The following FXYD2 variants were observed in gnomAD, a reference collection of about 807,000 sequenced individuals.
The protein encoded by FXYD2 is FXYD domain containing ion transport regulator 2, also known as sodium/potassium-transporting ATPase subunit gamma.
A neutral mutation model predicts 11.8 loss-of-function variants in FXYD2; 8 were observed. The ratio of observed to expected loss-of-function variants is 0.68; its 90% CI spans 0.40 to 1.22. The LOEUF is 1.22. Among genes scored for constraint, FXYD2 ranks in the 50% most tolerant of loss-of-function variants. The pLI, the probability that FXYD2 is intolerant of heterozygous loss-of-function variation, is 0.01. For synonymous variants in FXYD2, 42 were observed against 33.3 expected (o/e 1.26, Z -0.90); for missense variants, 92 against 91.8 (o/e 1.00, Z -0.01).
At chr11:117,823,408 C>T (rs770425487) in intron 1 of FXYD2, among the ~76,000 whole-genome samples, 2 of 152,238 alleles carry the variant, frequency 1.3e-5, no homozygotes, top group Non-Finnish European at 2.9e-5. Flanking sequence ...AATTCCCCCA[C>T]AGTTATACAG....
rs1450120303 is a variant in FXYD2, at chr11:117,822,851, G to C, written c.26-134C>G. 15 of 1,246,286 alleles carry C rather than the reference G, an allele frequency of 1.2e-5. No individual in the cohort carries two copies. Among genetic ancestry groups the C allele is most frequent in the Middle Eastern group, 2.5e-4 (1 of 3,966 alleles). The allele number at this position is 1,246,286 out of a possible 1,614,324, so 77.2% of individuals were successfully genotyped here. A position where few individuals can be genotyped will look rare whatever the true frequency, so the allele number is the denominator to read the frequency against. ...AGCAGGCGAGGGGAGGCTGGGAGCA[G>C]GGGTGTTGCTAAAACCATTGCCAGC... On this transcript the variant is annotated intron_variant, in intron 1 of 5. Transcript: ENST00000292079. This position sits in a 1 kb window ranked among gnomAD's most constrained non-coding sequence, Gnocchi z 4.7.
At chr11:117,826,754 A>ATCGG (rs2056041964), upstream of FXYD2, among the ~76,000 whole-genome samples, 1 of 143,594 alleles carries the variant, frequency 7.0e-6, no homozygotes. Flanking sequence ...AAATAAATTC[A>ATCGG]TCTGTCTGTC....
At chr11:117,827,758 T>G (rs777031379), upstream of FXYD2, among the ~76,000 whole-genome samples, 7 of 152,152 alleles carry the variant, frequency 4.6e-5, no homozygotes, top group Non-Finnish European at 8.8e-5. Flanking sequence ...GACAGACAAG[T>G]AAATGAGGCA....
chr11:117,820,551 A>C (rs1437926822), intron 5 of FXYD2, 115 bp downstream of exon 5: 1 of 1,317,418 alleles, frequency 7.6e-7, no homozygotes, highest in Non-Finnish European at 1.1e-6. Context: ...CACCTGGCTG[A>C]TGTGTGGACG....
At position 117,824,623 on chromosome 11, in the gene FXYD2, C is replaced by A; in HGVS notation, c.25+31G>T. 1.9e-6 allele frequency: 3 copies of A among 1,591,424 alleles called. No homozygotes were observed. The highest frequency in any genetic ancestry group is 2.6e-6 in the Non-Finnish European group (3 of 1,159,468). On this transcript the variant is annotated intron_variant, in intron 1 of 5. Coordinates refer to ENST00000292079, the MANE Select transcript of FXYD2 (RefSeq NM_001680.5). This position sits in a 1 kb window ranked among gnomAD's most constrained non-coding sequence, Gnocchi z 4.0. ...CCAATCAGAGCCACCCAGCATTGCA[C>A]ACGCCCGGGCACGCACACCAGCACA... is the stretch of plus-strand genomic sequence containing the variant.
chr11:117,825,073 GCAGTGGCCCA>G (rs2056005049), upstream of FXYD2, among the ~76,000 whole-genome samples: 2 of 152,200 alleles, frequency 1.3e-5, no homozygotes, highest in Non-Finnish European at 2.9e-5. Flanking sequence ...GTTTCTGGGG[GCAGTGGCCCA>G]CAGTGGCCCC....
At chr11:117,821,495 C>T (rs993161416) in intron 3 of FXYD2, 30 of 986,086 alleles carry the variant, frequency 3.0e-5, no homozygotes, top group Non-Finnish European at 3.0e-5. Flanking sequence ...ACTGGGCCAT[C>T]ATGGTGCCCC....
chr11:117,826,011 C>T (rs1388863127), upstream of FXYD2, among the ~76,000 whole-genome samples: 1 of 152,182 alleles, frequency 6.6e-6, no homozygotes, highest in African/African-American at 2.4e-5. Context: ...CCTCAGTCTC[C>T]TCATCTGTAA....
intron 1 of FXYD2, among the ~76,000 whole-genome samples, chr11:117,823,622 A>T (rs1020244211): frequency 3.3e-5 from 5 of 152,214 alleles, no homozygotes; most frequent in African/African-American, 1.2e-4. Context: ...GCAACTGAGT[A>T]CACTTGCCCC....
chr11:117,820,268 G>A lies in FXYD2; in HGVS notation c.*111C>T, dbSNP rs911084647. 1.3e-5 allele frequency: 3 copies of A among 222,788 alleles called. No individual in the cohort carries two copies. The highest frequency in any genetic ancestry group is 2.6e-5 in the Non-Finnish European group (3 of 113,692). The allele number at this position is 222,788 out of a possible 1,614,324, so 13.8% of individuals were successfully genotyped here. A position where few individuals can be genotyped will look rare whatever the true frequency, so the allele number is the denominator to read the frequency against. ...TTCCTTCAGCCCAAGCGCTGGCAGT[G>A]ACGGGGACAAAGGTCTAAAGCCCAG... On this transcript the variant is annotated 3_prime_UTR_variant, in exon 6 of 6. Transcript: ENST00000292079.
rs771512838 is a variant in FXYD2, at chr11:117,822,585, G to A, written c.64+94C>T. 100 of 1,570,070 alleles carry A rather than the reference G, an allele frequency of 6.4e-5. No individual in the cohort carries two copies. The highest frequency in any genetic ancestry group is 2.0e-4 in the South Asian group (17 of 85,540). On this transcript the variant is annotated intron_variant, in intron 2 of 5. Transcript: ENST00000292079. This position sits in a 1 kb window ranked among gnomAD's most constrained non-coding sequence, Gnocchi z 4.7. ...GCCCGTGGTAACCAGGGGAGATAAG[G>A]GGCACAGAGCATGGACCTGGGGCTG...
chr11:117,823,687 A>G (rs915218354), intron 1 of FXYD2, among the ~76,000 whole-genome samples: 1 of 152,026 alleles, frequency 6.6e-6, no homozygotes. Context: ...AAGGGCCGCT[A>G]CTCTTTCCTG....
At chr11:117,821,547 A>T (rs1469653845) in intron 3 of FXYD2, 3 of 985,826 alleles carry the variant, frequency 3.0e-6, no homozygotes, top group Non-Finnish European at 3.6e-6. Flanking sequence ...GGATGGCAGC[A>T]ACTCCAAAGT....
In FXYD2 at chr11:117,822,126, G is replaced by C. The variant is rs1351469164; in HGVS notation, c.139+280C>G. 4 of 1,376,316 alleles carry C rather than the reference G, an allele frequency of 2.9e-6. No individual in the cohort carries two copies. The highest frequency in any genetic ancestry group is 2.8e-4 in the Middle Eastern group (1 of 3,622). The allele number at this position is 1,376,316 out of a possible 1,614,324, so 85.3% of individuals were successfully genotyped here. On this transcript the variant is annotated intron_variant, in intron 3 of 5. Transcript: ENST00000292079. The surrounding 1 kb of genome is among the most constrained non-coding windows in gnomAD (Gnocchi z 4.7). ...TAGCAGCGGGGGGCCTAGTCCCCCTGTCTGGCCCTCCGGTTACCCAGTTAC... is the reference window on the plus strand; with the variant it reads ...TAGCAGCGGGGGGCCTAGTCCCCCTCTCTGGCCCTCCGGTTACCCAGTTAC...
intron 3 of FXYD2, chr11:117,821,713 G>C: frequency 1.0e-6 from 1 of 960,204 alleles, no homozygotes; most frequent in South Asian, 4.8e-5. Flanking sequence ...GGCACACGTA[G>C]AGAGAGCTGC....
At chr11:117,821,796 C>T (rs546581037) in intron 3 of FXYD2, 3 of 989,686 alleles carry the variant, frequency 3.0e-6, no homozygotes, top group Admixed American at 5.9e-5. Flanking sequence ...GGCAGTGGCA[C>T]ACGTGCATTA....
At chr11:117,826,483 G>A (rs1246944461), upstream of FXYD2, among the ~76,000 whole-genome samples, 1 of 152,130 alleles carries the variant, frequency 6.6e-6, no homozygotes, top group East Asian at 1.9e-4. Context: ...CCTGGACGTG[G>A]CCAGGGCACT....
rs774518680 is a variant in FXYD2, at chr11:117,820,929, A to T, written c.140-34T>A. The T allele has an allele frequency of 8.7e-6, 14 of 1,613,802 alleles. No individual in the cohort carries two copies. The South Asian group carries it at 9.9e-5, about 11-fold the overall frequency. On this transcript the variant is annotated intron_variant, in intron 3 of 5. Coordinates refer to ENST00000292079, the MANE Select transcript of FXYD2 (RefSeq NM_001680.5). ...GAGAAAAGGAGATTTGTTTCCATGGACTAATTTTCCAAGGAGACCCTGGAA... is the reference window on the plus strand; with the variant it reads ...GAGAAAAGGAGATTTGTTTCCATGGTCTAATTTTCCAAGGAGACCCTGGAA...
At chr11:117,821,709 C>T (rs545940528) in intron 3 of FXYD2, 169 of 961,186 alleles carry the variant, frequency 1.8e-4, no homozygotes, top group Non-Finnish European at 2.0e-4. Context: ...CAGTGGCACA[C>T]GTAGAGAGAG....
Sources: gnomAD v4.1 joint callset for allele counts (sites outside exome capture counted in the v4.1 genomes callset) on GRCh38, gnomAD v4.1.1 for gene constraint, Gnocchi (gnomAD v3.1) non-coding constraint, MANE v1.5 for transcripts, NCBI Gene and HGNC (gene_info 2026-07-23, HGNC 2026-07-21) for gene names.